TMEM132D: variants seen among roughly 807,000 people sequenced by gnomAD.
The protein encoded by TMEM132D is mature OL transmembrane protein.
In TMEM132D, 21 loss-of-function variants were observed where a neutral mutation model predicts 62.3. The observed-to-expected ratio is 0.34, with a 90% CI of 0.24 to 0.49. TMEM132D has a LOEUF of 0.49. Ranked by LOEUF, TMEM132D falls within the 20% of genes least tolerant of loss-of-function variation. TMEM132D has a pLI of 0.99. For synonymous variants in TMEM132D, 621 were observed against 575.6 expected (o/e 1.08, Z -1.13); for missense variants, 1,346 against 1,402.8 (o/e 0.96, Z 0.65).
At chr12:129,500,099 T>C (rs956878643) in intron 3 of TMEM132D, among the ~76,000 whole-genome samples, 1 of 146,998 alleles carries the variant, frequency 6.8e-6, no homozygotes, top group Middle Eastern at 3.4e-3. Context: ...GCAATTCACC[T>C]GACCTCATCT....
intron 2 of TMEM132D, among the ~76,000 whole-genome samples, chr12:129,612,062 A>C (rs1467249448): frequency 6.6e-6 from 1 of 152,156 alleles, no homozygotes; most frequent in Non-Finnish European, 1.5e-5. Flanking sequence ...TAGACCCAAC[A>C]TGCAATGGTG....
chr12:129,430,096 C>A (rs1159788500), intron 3 of TMEM132D, among the ~76,000 whole-genome samples: 1 of 152,016 alleles, frequency 6.6e-6, no homozygotes, highest in African/African-American at 2.4e-5. Context: ...GGGTATATAC[C>A]CAGTAATGGG....
intron 1 of TMEM132D, among the ~76,000 whole-genome samples, chr12:129,724,083 A>C (rs1020570939): frequency 5.9e-5 from 9 of 152,242 alleles, no homozygotes; most frequent in African/African-American, 2.2e-4. Flanking sequence ...AGTCAGAGTC[A>C]GAGGAGGAGA....
At chr12:129,112,231 C>A (rs1875725991) in intron 5 of TMEM132D, among the ~76,000 whole-genome samples, 2 of 152,192 alleles carry the variant, frequency 1.3e-5, no homozygotes, top group Non-Finnish European at 2.9e-5. Flanking sequence ...TGGATGCATT[C>A]TGGGGTGAAT....
At chr12:129,443,853 T>C (rs1218704918) in intron 3 of TMEM132D, among the ~76,000 whole-genome samples, 1 of 152,206 alleles carries the variant, frequency 6.6e-6, no homozygotes, top group Non-Finnish European at 1.5e-5. Flanking sequence ...TTTTTTGGTA[T>C]GGCCACGTGG....
intron 2 of TMEM132D, among the ~76,000 whole-genome samples, chr12:129,548,007 C>T (rs1876786870): frequency 6.6e-6 from 1 of 152,136 alleles, no homozygotes; most frequent in African/African-American, 2.4e-5. Context: ...CCCGTCTCTT[C>T]ATAGGGAGCA....
intron 4 of TMEM132D, 23 bp from the exon 5 acceptor site, chr12:129,209,686 C>T: frequency 6.2e-7 from 1 of 1,613,394 alleles, no homozygotes; most frequent in Non-Finnish European, 8.5e-7. Flanking sequence ...ACACACCCTT[C>T]CATCACATCC....
chr12:129,321,890 G>C (rs914083936), intron 4 of TMEM132D, among the ~76,000 whole-genome samples: 2 of 152,188 alleles, frequency 1.3e-5, no homozygotes, highest in Non-Finnish European at 2.9e-5. Flanking sequence ...TCCATGCGTG[G>C]GACGAATGTT....
At chr12:129,419,789 T>A (rs1459335036) in intron 3 of TMEM132D, among the ~76,000 whole-genome samples, 1 of 152,034 alleles carries the variant, frequency 6.6e-6, no homozygotes, top group Non-Finnish European at 1.5e-5. Context: ...TATATGAATA[T>A]AAAATGCCAA....
chr12:129,653,364 G>A (rs1219270011), intron 2 of TMEM132D, among the ~76,000 whole-genome samples: 4 of 152,204 alleles, frequency 2.6e-5, no homozygotes, highest in African/African-American at 4.8e-5. Context: ...GGTGATGGCC[G>A]ATGGATGGTA....
intron 3 of TMEM132D, among the ~76,000 whole-genome samples, chr12:129,343,770 AC>A (rs1869591710): frequency 1.4e-5 from 2 of 140,874 alleles, no homozygotes; most frequent in East Asian, 2.0e-4. Flanking sequence ...ACAAAAAAAA[AC>A]AAAAAAAAAA....
chr12:129,345,054 T>G (rs1302146864), intron 3 of TMEM132D, among the ~76,000 whole-genome samples: 1 of 152,136 alleles, frequency 6.6e-6, no homozygotes, highest in Non-Finnish European at 1.5e-5. Flanking sequence ...TTCTTTCCTT[T>G]CTTGGATTTG....
At chr12:129,442,524 GGTTA>G (rs1334006801) in intron 3 of TMEM132D, among the ~76,000 whole-genome samples, 10 of 152,282 alleles carry the variant, frequency 6.6e-5, no homozygotes, top group Middle Eastern at 3.4e-3. Context: ...CTCCAAAAGT[GGTTA>G]GTGAGTGGTA....
chr12:129,713,320 CAAAT>C (rs1455388670), intron 1 of TMEM132D, among the ~76,000 whole-genome samples: 1 of 151,944 alleles, frequency 6.6e-6, no homozygotes, highest in African/African-American at 2.4e-5. Flanking sequence ...CCTGACTGCA[CAAAT>C]ATATAAAAAT....
intron 2 of TMEM132D, among the ~76,000 whole-genome samples, chr12:129,546,652 T>A (rs1482474656): frequency 6.6e-6 from 1 of 151,854 alleles, no homozygotes; most frequent in African/African-American, 2.4e-5. Flanking sequence ...ATAAAAAAAA[T>A]TAGCCAGGCG....
chr12:129,819,113 G>A (rs760005273), intron 1 of TMEM132D, among the ~76,000 whole-genome samples: 6 of 151,976 alleles, frequency 3.9e-5, no homozygotes, highest in Non-Finnish European at 7.4e-5. Context: ...GCTGTCTTGC[G>A]GGAGACAGCC....
chr12:129,875,907 C>T (rs1391435465), intron 1 of TMEM132D, among the ~76,000 whole-genome samples: 1 of 152,208 alleles, frequency 6.6e-6, no homozygotes, highest in Non-Finnish European at 1.5e-5. Flanking sequence ...GGCTGACCAG[C>T]TTCCATTTTG....
chr12:129,166,240 C>T (rs1341523753), intron 5 of TMEM132D, among the ~76,000 whole-genome samples: 1 of 152,098 alleles, frequency 6.6e-6, no homozygotes, highest in East Asian at 1.9e-4. Flanking sequence ...TGCTAACTCT[C>T]ATTCGACTGA....
intron 3 of TMEM132D, among the ~76,000 whole-genome samples, chr12:129,372,264 G>A (rs1270656806): frequency 6.6e-6 from 1 of 152,192 alleles, no homozygotes. Context: ...GAGCAAATTT[G>A]TATTGTTTTA....
Sources: gnomAD v4.1 joint callset for allele counts (sites outside exome capture counted in the v4.1 genomes callset) on GRCh38, gnomAD v4.1.1 for gene constraint, MANE v1.5 for transcripts, NCBI Gene and HGNC (gene_info 2026-07-23, HGNC 2026-07-21) for gene names.